NIPA1: variants seen among roughly 807,000 people sequenced by gnomAD.
NIPA1 encodes magnesium transporter NIPA1.
In NIPA1, 13 loss-of-function variants were observed where a neutral mutation model predicts 23.9. The observed-to-expected ratio is 0.54, with a 90% CI of 0.35 to 0.87. The LOEUF (loss-of-function observed/expected upper bound fraction) is 0.87, where lower values mean the gene tolerates loss of function less well. Ranked by LOEUF, NIPA1 falls within the 40% of genes least tolerant of loss-of-function variation. The probability of loss-of-function intolerance (pLI) is 0.01; values close to 1 mark genes in which losing one functional copy is unlikely to be tolerated. For synonymous variants in NIPA1, 234 were observed against 202.9 expected (o/e 1.15, Z -1.30); for missense variants, 362 against 429.7 (o/e 0.84, Z 1.39).
chr15:22,808,679 C>CTTTTTGTTTTTTTTT (rs1895261638), intron 1 of NIPA1, among the ~76,000 whole-genome samples: 1 of 128,338 alleles, frequency 7.8e-6, no homozygotes, highest in African/African-American at 3.1e-5. Context: ...TAGCAATATT[C>CTTTTTGTTTTTTTTT]TTTTTTTTGA....
chr15:22,803,313 C>T (rs73414730), intron 1 of NIPA1, among the ~76,000 whole-genome samples: 1,673 of 151,616 alleles, frequency 0.011, 29 homozygotes, highest in African/African-American at 0.038. Context: ...CTGGGTTCTA[C>T]CGTATTATTG....
At chr15:22,810,270 G>A (rs189318858) in intron 1 of NIPA1, among the ~76,000 whole-genome samples, 8 of 152,232 alleles carry the variant, frequency 5.3e-5, no homozygotes, top group South Asian at 4.1e-4. Context: ...TGTGGTTCCC[G>A]CATGGCTGAA....
intron 1 of NIPA1, among the ~76,000 whole-genome samples, chr15:22,793,827 T>G (rs1375367038): frequency 6.6e-6 from 1 of 152,190 alleles, no homozygotes; most frequent in Non-Finnish European, 1.5e-5. Flanking sequence ...GAAAAGTATA[T>G]CCTTTCCCCA....
At chr15:22,788,675 A>C in intron 1 of NIPA1, among the ~76,000 whole-genome samples, 1 of 152,144 alleles carries the variant, frequency 6.6e-6, no homozygotes, top group South Asian at 2.1e-4. Flanking sequence ...TAAAAAGTTG[A>C]GGAAAACTGT....
In NIPA1 at chr15:22,810,826, T is replaced by A. The variant is rs1317815296; in HGVS notation, c.226+30T>A. ...GTAGCCTGTGTGGCGAAGTCTGGTC[T>A]TTTCCTTTCTTAGAATCCATCACTG... On this transcript the variant is annotated intron_variant, in intron 2 of 4. Coordinates refer to ENST00000337435, the MANE Select transcript of NIPA1 (RefSeq NM_144599.5). 5 of 1,564,626 alleles carry A rather than the reference T, an allele frequency of 3.2e-6. No individual in the cohort carries two copies. In the East Asian group the frequency reaches 9.0e-5, roughly 28 times the overall value.
chr15:22,814,081 A>G (rs995952781), intron 3 of NIPA1: 1 of 1,274,692 alleles, frequency 7.8e-7, no homozygotes, highest in Non-Finnish European at 1.0e-6. Flanking sequence ...CCACATCTGC[A>G]GGTGTTACTC....
At chr15:22,795,761 A>G (rs1894928188) in intron 1 of NIPA1, among the ~76,000 whole-genome samples, 1 of 152,158 alleles carries the variant, frequency 6.6e-6, no homozygotes, top group Admixed American at 6.5e-5. Context: ...TGTGAATGCC[A>G]GGGGCAAGAT....
At position 22,824,664 on chromosome 15, in the gene NIPA1, G is replaced by C; in HGVS notation, c.*425G>C. Reference sequence around the variant, plus strand: ...GTCTTGAACTCTGGCACTGTACAGTGAATGTGTCTGTAGTTGTGTTAGTTT... The same window carrying C: ...GTCTTGAACTCTGGCACTGTACAGTCAATGTGTCTGTAGTTGTGTTAGTTT... On this transcript the variant is annotated 3_prime_UTR_variant, in exon 5 of 5. Transcript: ENST00000337435. This position sits in a 1 kb window ranked among gnomAD's most constrained non-coding sequence, Gnocchi z 4.1. 1 of 212,736 alleles carries C rather than the reference G, an allele frequency of 4.7e-6. No individual in the cohort carries two copies. Among genetic ancestry groups the C allele is most frequent in the South Asian group, 6.7e-5 (1 of 14,956 alleles). 13.2% of individuals were successfully genotyped at this position (212,736 alleles called of 1,614,324 possible). A position where few individuals can be genotyped will look rare whatever the true frequency, so the allele number is the denominator to read the frequency against.
At chr15:22,797,712 A>G (rs1436197451) in intron 1 of NIPA1, among the ~76,000 whole-genome samples, 1 of 151,334 alleles carries the variant, frequency 6.6e-6, no homozygotes, top group Non-Finnish European at 1.5e-5. Context: ...TATATTGGCT[A>G]GGCTGGTCTT....
In NIPA1 at chr15:22,799,106, T is replaced by C. The variant is rs528211148; in HGVS notation, c.179-11643T>C. On this transcript the variant is annotated intron_variant, in intron 1 of 4. Coordinates refer to ENST00000337435, the MANE Select transcript of NIPA1 (RefSeq NM_144599.5). ...CTACTCAAAGGAAAATAAATAGTTT[T>C]ATCAAAAAGACACATGCACTTGTAT... 7.2e-5 allele frequency among the ~76,000 whole-genome samples: 11 copies of C among 152,222 alleles called. No individual in the cohort carries two copies. In the East Asian group the frequency reaches 2.1e-3, roughly 29 times the overall value.
chr15:22,806,220 G>A (rs1304348705), intron 1 of NIPA1, among the ~76,000 whole-genome samples: 2 of 152,312 alleles, frequency 1.3e-5, no homozygotes, highest in South Asian at 4.1e-4. Flanking sequence ...ACCGCGCCCG[G>A]CCTAAAGCTG....
Position 22,800,714 on chromosome 15 carries a change from G to A in NIPA1, c.179-10035G>A, listed in dbSNP as rs191308551. ...GAGGCCGAGGTGGGCATATCACAAG[G>A]TCAGGAGATTGAGACCATCCTGGCT... On this transcript the variant is annotated intron_variant, in intron 1 of 4. Transcript: ENST00000337435. Among the ~76,000 whole-genome samples, 470 of 152,038 alleles carry A rather than the reference G, an allele frequency of 3.1e-3. 6 individuals carry two copies. Among genetic ancestry groups the A allele is most frequent in the African/African-American group, 0.011 (454 of 41,468 alleles).
intron 3 of NIPA1, among the ~76,000 whole-genome samples, chr15:22,815,437 A>C (rs756659135): frequency 7.0e-6 from 1 of 142,370 alleles, no homozygotes; most frequent in Admixed American, 6.9e-5. Flanking sequence ...ATTTGAACCC[A>C]GGGAGACCAG....
chr15:22,787,004 CCGCCGCGTCCTGGCGCTCGGG>C, intron 1 of NIPA1, among the ~76,000 whole-genome samples, 170 bp downstream of exon 1: 1 of 151,690 alleles, frequency 6.6e-6, no homozygotes, highest in Non-Finnish European at 1.5e-5. Flanking sequence ...GCCCAGGCTG[CCGCCGCGTCCTGGCGCTCGGG>C]CCCGGGAGCG....
chr15:22,811,202 G>A (rs888645340), intron 2 of NIPA1, among the ~76,000 whole-genome samples: 7 of 152,172 alleles, frequency 4.6e-5, no homozygotes, highest in Non-Finnish European at 1.0e-4. Flanking sequence ...GTTTAACAGA[G>A]AATTTCATGA....
At chr15:22,800,886 A>C (rs1195742168) in intron 1 of NIPA1, among the ~76,000 whole-genome samples, 1 of 151,038 alleles carries the variant, frequency 6.6e-6, no homozygotes, top group African/African-American at 2.4e-5. Flanking sequence ...AGCTGAGATC[A>C]CGCCACTGCA....
intron 1 of NIPA1, among the ~76,000 whole-genome samples, chr15:22,801,602 A>G (rs1273477102): frequency 2.3e-5 from 3 of 131,870 alleles, no homozygotes; most frequent in African/African-American, 8.8e-5. Flanking sequence ...TGCAACTTCC[A>G]CCTCCCGGGG....
rs371993191 is a variant in NIPA1 at position 22,824,023 on chromosome 15, G to A, written c.774G>A (p.Ser258=). 44 of 1,614,090 alleles carry A rather than the reference G, an allele frequency of 2.7e-5. No homozygotes were observed. In the Admixed American group the frequency reaches 4.2e-4, roughly 15 times the overall value. The change falls in exon 5 of 5, where the codon TCG becomes TCA. Residue 258 remains serine (S), a synonymous_variant. Coordinates refer to ENST00000337435, the MANE Select transcript of NIPA1 (RefSeq NM_144599.5). This position sits in a 1 kb window ranked among gnomAD's most constrained non-coding sequence, Gnocchi z 4.1. ...INKALECFDS[S]VFGAIYYVVF... ...AGGCGCTGGAGTGCTTCGACTCCTC[G>A]GTGTTCGGGGCCATCTACTACGTCG...
intron 2 of NIPA1, 163 bp downstream of exon 2, chr15:22,810,959 C>A: frequency 1.4e-6 from 1 of 692,052 alleles, no homozygotes; most frequent in Non-Finnish European, 2.6e-6. Context: ...TCGGATGTCC[C>A]TGCCTCCCCA....
Sources: gnomAD v4.1 joint callset for allele counts (sites outside exome capture counted in the v4.1 genomes callset) on GRCh38, gnomAD v4.1.1 for gene constraint, Gnocchi (gnomAD v3.1) non-coding constraint, MANE v1.5 for transcripts, NCBI Gene and HGNC (gene_info 2026-07-23, HGNC 2026-07-21) for gene names.